The following DOCK2 variants were observed in gnomAD, a reference collection of about 807,000 sequenced individuals.
DOCK2 encodes dedicator of cytokinesis protein 2.
In DOCK2, 87 loss-of-function variants were observed where a neutral mutation model predicts 248.9. The ratio of observed to expected loss-of-function variants is 0.35; its 90% CI spans 0.29 to 0.42. The LOEUF (loss-of-function observed/expected upper bound fraction) is 0.42. Ranked by LOEUF, DOCK2 falls within the 10% of genes least tolerant of loss-of-function variation. DOCK2 has a pLI of 1.00. For missense variants in DOCK2, 1,747 were observed against 2,300.2 expected, an observed-to-expected ratio of 0.76 and a Z score of 4.92; for synonymous variants, 805 against 821.6, an observed-to-expected ratio of 0.98 and a Z score of 0.35.
intron 27 of DOCK2, among the ~76,000 whole-genome samples, chr5:169,863,108 G>A (rs1184285047): frequency 6.6e-6 from 1 of 152,142 alleles, no homozygotes; most frequent in Non-Finnish European, 1.5e-5. Flanking sequence ...AGTTTGACTG[G>A]ATCCACATGT....
At chr5:170,008,141 G>C (rs2042238) in intron 30 of DOCK2, among the ~76,000 whole-genome samples, 62,921 of 150,824 alleles carry the variant, frequency 0.42, 13,486 homozygotes, top group African/African-American at 0.52. Context: ...TCCACAGCAC[G>C]CAGCTAGGGC....
At chr5:169,651,721 A>G (rs539443999) in intron 1 of DOCK2, among the ~76,000 whole-genome samples, 151 of 152,338 alleles carry the variant, frequency 9.9e-4, no homozygotes, top group African/African-American at 3.4e-3. Context: ...ACAGCAGCCT[A>G]TGAGGGGAAG....
intron 9 of DOCK2, among the ~76,000 whole-genome samples, chr5:169,692,901 T>C (rs980520694): frequency 2.0e-5 from 3 of 152,220 alleles, no homozygotes; most frequent in Admixed American, 2.0e-4. Context: ...CCAGTCATAC[T>C]GACCAAACAA....
intron 5 of DOCK2, among the ~76,000 whole-genome samples, chr5:169,671,582 TA>T (rs1759053129): frequency 6.6e-6 from 1 of 152,252 alleles, no homozygotes; most frequent in Non-Finnish European, 1.5e-5. Context: ...AACCAATGGC[TA>T]TTGTCCTCAC....
chr5:169,999,437 A>G (rs973954269), intron 30 of DOCK2, among the ~76,000 whole-genome samples: 5 of 152,176 alleles, frequency 3.3e-5, no homozygotes, highest in Non-Finnish European at 7.3e-5. Flanking sequence ...TAGTAATTTT[A>G]TTATTTGGAT....
At chr5:169,712,291 G>A in intron 17 of DOCK2, 68 bp downstream of exon 17, 1 of 1,442,086 alleles carries the variant, frequency 6.9e-7, no homozygotes, top group Non-Finnish European at 9.7e-7. Context: ...TGGCAAAATT[G>A]CTTAGTGGTC....
At chr5:169,723,060 C>T (rs781758098) in intron 22 of DOCK2, among the ~76,000 whole-genome samples, 1 of 152,172 alleles carries the variant, frequency 6.6e-6, no homozygotes, top group South Asian at 2.1e-4. Context: ...AGCTGTGGTG[C>T]CCGGGTCTCT....
intron 1 of DOCK2, among the ~76,000 whole-genome samples, chr5:169,644,456 G>A (rs1757336509): frequency 6.6e-6 from 1 of 152,016 alleles, no homozygotes; most frequent in African/African-American, 2.4e-5. Context: ...ATGGATGTGG[G>A]TATGAGAAGG....
At chr5:169,843,347 C>A (rs935386081) in intron 27 of DOCK2, among the ~76,000 whole-genome samples, 3 of 151,996 alleles carry the variant, frequency 2.0e-5, no homozygotes, top group Admixed American at 6.6e-5. Flanking sequence ...CACGGTGAAA[C>A]CCCGTCTCTA....
chr5:169,883,705 A>G lies in DOCK2; in HGVS notation c.2799+42853A>G, dbSNP rs1446617060. On this transcript the variant is annotated intron_variant, in intron 27 of 51. Transcript: ENST00000520908. ...GTGCCTGGTTGCTTGAGTCTTCCCC[A>G]TCACAGCCGGGTCTTCTGGAGTTTG... The G allele has an allele frequency of 1.9e-6, 3 of 1,551,396 alleles. No individual in the cohort carries two copies. The South Asian group carries it at 3.6e-5, about 18-fold the overall frequency.
intron 27 of DOCK2, among the ~76,000 whole-genome samples, chr5:169,859,316 C>G (rs1326491382): frequency 6.6e-6 from 1 of 152,168 alleles, no homozygotes; most frequent in South Asian, 2.1e-4. Flanking sequence ...GAAATTTAGG[C>G]TGTAAATTGG....
rs1773018131 is a variant in DOCK2, at chr5:169,887,122, C to T, written c.2799+46270C>T. Among the ~76,000 whole-genome samples the T allele has an allele frequency of 6.6e-5, 10 of 152,308 alleles. No homozygotes were observed. The South Asian group carries it at 2.1e-3, about 32-fold the overall frequency. On this transcript the variant is annotated intron_variant, in intron 27 of 51. Transcript: ENST00000520908. Reference sequence around the variant, plus strand: ...CACAGGCTTCTCACCATTGGGCCTTCCTGCCTTCTTCAGGACTGGAAAGAT... The same window carrying T: ...CACAGGCTTCTCACCATTGGGCCTTTCTGCCTTCTTCAGGACTGGAAAGAT...
chr5:169,993,174 G>T (rs1213281297), intron 29 of DOCK2, among the ~76,000 whole-genome samples: 1 of 152,226 alleles, frequency 6.6e-6, no homozygotes, highest in Non-Finnish European at 1.5e-5. Flanking sequence ...TTTAAGGAGA[G>T]AACACAAAAT....
rs182888938 is a variant in DOCK2, at chr5:169,923,234, T to A, written c.2800-59834T>A. Among the ~76,000 whole-genome samples the A allele has an allele frequency of 3.3e-4, 50 of 152,330 alleles. No homozygotes were observed. In the East Asian group the frequency reaches 4.2e-3, roughly 13 times the overall value. On this transcript the variant is annotated intron_variant, in intron 27 of 51. Transcript: ENST00000520908. ...GGATGGAGGGTGATTCAGATTGAGA[T>A]GTTTTCTTGGTGTAAACATGAGATG...
intron 33 of DOCK2, among the ~76,000 whole-genome samples, chr5:170,026,100 GC>G (rs1561886728): frequency 6.6e-6 from 1 of 152,016 alleles, no homozygotes; most frequent in African/African-American, 2.4e-5. Context: ...ATCAGCACAA[GC>G]TTTTGGTCCC....
intron 36 of DOCK2, 58 bp downstream of exon 36, chr5:170,036,613 C>T: frequency 1.3e-5 from 20 of 1,538,796 alleles, no homozygotes; most frequent in Admixed American, 3.5e-5. Context: ...GCTCAGTATC[C>T]ATCGATGGCT....
At chr5:169,711,871 G>A in intron 15 of DOCK2, 64 bp from the exon 16 acceptor site, 1 of 1,568,022 alleles carries the variant, frequency 6.4e-7, no homozygotes, top group Non-Finnish European at 8.8e-7. Context: ...GAAGTGTGTA[G>A]GGGGGTGCAG....
rs567581942 is a variant in DOCK2 at position 169,793,676 on chromosome 5, C to T, written c.2555-9382C>T. ...CAAAAATGAAAAGTGTTTATCACTA[C>T]CCAGGAATCAAACTTTTTACCATGG... On this transcript the variant is annotated intron_variant, in intron 25 of 51. Transcript: ENST00000520908. Among the ~76,000 whole-genome samples, 3 of 152,258 alleles carry T rather than the reference C, an allele frequency of 2.0e-5. No homozygotes were observed. The South Asian group carries it at 6.2e-4, about 32-fold the overall frequency.
chr5:169,753,363 C>G (rs55868866), intron 23 of DOCK2, among the ~76,000 whole-genome samples: 18 of 149,902 alleles, frequency 1.2e-4, no homozygotes, highest in East Asian at 4.0e-4. Flanking sequence ...CTCACCCCCC[C>G]CCACCCCCTG....
Sources: gnomAD v4.1 joint callset for allele counts (sites outside exome capture counted in the v4.1 genomes callset) on GRCh38, gnomAD v4.1.1 for gene constraint, MANE v1.5 for transcripts, NCBI Gene and HGNC (gene_info 2026-07-23, HGNC 2026-07-21) for gene names.